Variants in CCDC146 observed in about 807,000 individuals in gnomAD.
CCDC146 encodes coiled-coil domain-containing protein 146.
In CCDC146, 92 loss-of-function variants were observed where a neutral mutation model predicts 119.3. That is an observed-to-expected ratio of 0.77 (90% CI 0.65 to 0.92). The LOEUF (loss-of-function observed/expected upper bound fraction) is 0.92. Ranked by LOEUF, CCDC146 falls within the 40% of genes least tolerant of loss-of-function variation. The probability of loss-of-function intolerance (pLI) is 0.00; values close to 1 mark genes in which losing one functional copy is unlikely to be tolerated. For synonymous variants in CCDC146, 372 were observed against 371.8 expected, an observed-to-expected ratio of 1.00 and a Z score of -0.01; for missense variants, 1,000 against 1,103.0, an observed-to-expected ratio of 0.91 and a Z score of 1.32.
At chr7:77,285,204 A>G (rs779025181) in intron 15 of CCDC146, among the ~76,000 whole-genome samples, 1 of 152,174 alleles carries the variant, frequency 6.6e-6, no homozygotes, top group Non-Finnish European at 1.5e-5. Context: ...GACAGAGTAA[A>G]CAGTTTTTCC....
chr7:77,233,980 G>GT lies in CCDC146; in HGVS notation c.157-2959dup, dbSNP rs149501750. Among the ~76,000 whole-genome samples, 1,171 of 149,476 alleles carry GT rather than the reference G, an allele frequency of 7.8e-3. 19 individuals are homozygous for GT. Among genetic ancestry groups the GT allele is most frequent in the African/African-American group, 0.028 (1,111 of 40,338 alleles). On this transcript the variant is annotated intron_variant, in intron 2 of 18. Transcript: ENST00000285871. ...CAGAGCCTATGTTATATTCATTTCTGTTTTTTTTATGCAGGGAGCATTAAG... is the reference window on the plus strand; with the variant it reads ...CAGAGCCTATGTTATATTCATTTCTGTTTTTTTTTATGCAGGGAGCATTAAG...
At chr7:77,285,557 C>T (rs1215179526) in intron 15 of CCDC146, among the ~76,000 whole-genome samples, 1 of 152,114 alleles carries the variant, frequency 6.6e-6, no homozygotes, top group Non-Finnish European at 1.5e-5. Context: ...GATGGATCAA[C>T]CCCATGGCAC....
rs192027102 is a variant in CCDC146, at chr7:77,275,024, T to C, written c.1440+372T>C. On this transcript the variant is annotated intron_variant, in intron 11 of 18. Coordinates refer to ENST00000285871, the MANE Select transcript of CCDC146 (RefSeq NM_020879.3). The stretch of plus-strand genomic sequence containing the variant: ...CACATGTATCCTAGAACTTAAAGTA[T>C]AATAAAAATATATAAATATTAAAAA... Among the ~76,000 whole-genome samples, 933 of 147,314 alleles carry C rather than the reference T, an allele frequency of 6.3e-3. 14 individuals carry two copies. The highest frequency in any genetic ancestry group is 0.021 in the African/African-American group (821 of 39,880).
intron 2 of CCDC146, among the ~76,000 whole-genome samples, chr7:77,184,381 G>C (rs569116643): frequency 1.3e-5 from 2 of 152,220 alleles, no homozygotes; most frequent in East Asian, 3.9e-4. Flanking sequence ...TGAAAGTGTT[G>C]GTCTTTCCTA....
chr7:77,191,213 T>C (rs779449840), intron 2 of CCDC146, among the ~76,000 whole-genome samples: 1 of 152,258 alleles, frequency 6.6e-6, no homozygotes, highest in Non-Finnish European at 1.5e-5. Context: ...TTACATGGTA[T>C]GTTGTTTTAA....
chr7:77,155,170 CTG>C (rs1215562395), intron 1 of CCDC146, among the ~76,000 whole-genome samples: 1 of 152,234 alleles, frequency 6.6e-6, no homozygotes, highest in Non-Finnish European at 1.5e-5. Context: ...TGCAGAATGA[CTG>C]TAAATTATTG....
rs187090403 is a variant in CCDC146 at position 77,200,523 on chromosome 7, C to A, written c.156+32699C>A. 4.5e-4 allele frequency among the ~76,000 whole-genome samples: 69 copies of A among 152,330 alleles called. 1 individual carries two copies. Among genetic ancestry groups the A allele is most frequent in the Admixed American group, 2.9e-3 (45 of 15,308 alleles). On this transcript the variant is annotated intron_variant, in intron 2 of 18. Transcript: ENST00000285871. ...TCAAAACCAGTAGCTGCCTCCTTTGCCCTTCGACATTTTGGTAATTGTACT... is the reference window on the plus strand; with the variant it reads ...TCAAAACCAGTAGCTGCCTCCTTTGACCTTCGACATTTTGGTAATTGTACT...
At chr7:77,181,957 A>G (rs778166428) in intron 2 of CCDC146, among the ~76,000 whole-genome samples, 11 of 152,120 alleles carry the variant, frequency 7.2e-5, no homozygotes, top group Admixed American at 3.3e-4. Flanking sequence ...TCTGGTATGT[A>G]CGTTGATGTA....
rs1016003574 is a variant in CCDC146 at position 77,227,211 on chromosome 7, A to G, written c.157-9736A>G. The stretch of plus-strand genomic sequence containing the variant: ...GAATGATAGAGACAGAAAACAGGAA[A>G]GGAAACCTCTGTAGTTTTCCTGCTT... On this transcript the variant is annotated intron_variant, in intron 2 of 18. Coordinates refer to ENST00000285871, the MANE Select transcript of CCDC146 (RefSeq NM_020879.3). Among the ~76,000 whole-genome samples the G allele has an allele frequency of 3.3e-5, 5 of 152,366 alleles. No individual in the cohort carries two copies. The East Asian group carries it at 9.6e-4, about 29-fold the overall frequency.
intron 1 of CCDC146, among the ~76,000 whole-genome samples, chr7:77,141,646 G>C (rs1478420041): frequency 6.6e-6 from 1 of 152,132 alleles, no homozygotes; most frequent in African/African-American, 2.4e-5. Context: ...TTGTGGTTTT[G>C]ATTTGCATTT....
intron 15 of CCDC146, among the ~76,000 whole-genome samples, chr7:77,285,996 T>A (rs1321942815): frequency 2.0e-5 from 3 of 152,218 alleles, no homozygotes; most frequent in Admixed American, 6.5e-5. Context: ...GTTACCCTGG[T>A]CTCTGTAACA....
intron 7 of CCDC146, among the ~76,000 whole-genome samples, chr7:77,259,474 T>G (rs557679637): frequency 7.2e-5 from 11 of 152,270 alleles, no homozygotes; most frequent in Admixed American, 2.0e-4. Context: ...TGTATAACAC[T>G]CCTCAGATAT....
rs540550099 is a variant in CCDC146, at chr7:77,140,582, G to T, written c.-12+17850G>T. On this transcript the variant is annotated intron_variant, in intron 1 of 18. Coordinates refer to ENST00000285871, the MANE Select transcript of CCDC146 (RefSeq NM_020879.3). ...TTAAGGCCACTAATCCCATCGTGAGGCTCCATACTCATGACCTAATTACCT... is the reference window on the plus strand; with the variant it reads ...TTAAGGCCACTAATCCCATCGTGAGTCTCCATACTCATGACCTAATTACCT... 2.4e-3 allele frequency among the ~76,000 whole-genome samples: 372 copies of T among 152,230 alleles called. 5 individuals carry two copies. The highest frequency in any genetic ancestry group is 3.4e-3 in the Middle Eastern group (1 of 294).
In CCDC146 at chr7:77,196,460, C is replaced by A; in HGVS notation, c.156+28636C>A. The A allele has an allele frequency of 6.2e-7, 1 of 1,614,116 alleles. No individual in the cohort carries two copies. The highest frequency in any genetic ancestry group is 8.5e-7 in the Non-Finnish European group (1 of 1,180,016). ...GTTTGCAGAAAGACATGCATCAAAC[C>A]ACCAGCCTGAACTGTAGTACAGCCC... On this transcript the variant is annotated intron_variant, in intron 2 of 18. Transcript: ENST00000285871. This position sits in a 1 kb window ranked among gnomAD's most constrained non-coding sequence, Gnocchi z 4.2.
intron 1 of CCDC146, among the ~76,000 whole-genome samples, chr7:77,129,062 C>A (rs1246763133): frequency 6.6e-6 from 1 of 152,072 alleles, no homozygotes; most frequent in Non-Finnish European, 1.5e-5. Flanking sequence ...CCCCTCTTAT[C>A]TTTGGCTTTG....
intron 2 of CCDC146, among the ~76,000 whole-genome samples, chr7:77,214,797 A>G (rs1272493455): frequency 2.0e-5 from 3 of 151,808 alleles, no homozygotes; most frequent in Non-Finnish European, 2.9e-5. Context: ...CTGTGTGTCT[A>G]TTTTTGCACC....
At chr7:77,199,471 T>G in intron 2 of CCDC146, 7 of 1,614,088 alleles carry the variant, frequency 4.3e-6, no homozygotes, top group Non-Finnish European at 5.9e-6. Flanking sequence ...TCTGCCTGGG[T>G]CTCCGTTGTC....
rs565008587 is a variant in CCDC146, at chr7:77,168,547, A to G, written c.156+723A>G. ...GTTTAAAAAGTCTTAAGGCAAAAAC[A>G]GTTTATTAAAAACCAAGAAGCAAAA... On this transcript the variant is annotated intron_variant, in intron 2 of 18. Coordinates refer to ENST00000285871, the MANE Select transcript of CCDC146 (RefSeq NM_020879.3). 2.0e-5 allele frequency among the ~76,000 whole-genome samples: 3 copies of G among 152,220 alleles called. 1 individual carries two copies. In the South Asian group the frequency reaches 6.2e-4, roughly 32 times the overall value.
At chr7:77,247,978 G>A (rs1008088981) in intron 4 of CCDC146, among the ~76,000 whole-genome samples, 4 of 152,180 alleles carry the variant, frequency 2.6e-5, no homozygotes, top group Admixed American at 2.0e-4. Context: ...AGATACCTGC[G>A]CTCATATGTT....
Sources: allele counts gnomAD v4.1 joint callset (sites outside exome capture counted in the v4.1 genomes callset), GRCh38; gene constraint gnomAD v4.1.1; non-coding constraint Gnocchi (gnomAD v3.1); transcripts MANE v1.5; gene names NCBI Gene and HGNC (gene_info 2026-07-23, HGNC 2026-07-21).